ZFPM2: variants seen among roughly 807,000 people sequenced by gnomAD.
The protein encoded by ZFPM2 is zinc finger protein, FOG family member 2, also known as zinc finger protein ZFPM2.
A neutral mutation model predicts 98.6 loss-of-function variants in ZFPM2; 20 were observed. That is an observed-to-expected ratio of 0.20 (90% CI 0.14 to 0.29). The LOEUF is 0.29. Ranked by LOEUF, ZFPM2 falls within the 10% of genes least tolerant of loss-of-function variation. The probability of loss-of-function intolerance (pLI) is 1.00; values close to 1 mark genes in which losing one functional copy is unlikely to be tolerated. For synonymous variants in ZFPM2, 518 were observed against 502.7 expected, an observed-to-expected ratio of 1.03 and a Z score of -0.41; for missense variants, 1,310 against 1,388.6, an observed-to-expected ratio of 0.94 and a Z score of 0.90.
chr8:105,756,850 C>T (rs550912849), intron 5 of ZFPM2, among the ~76,000 whole-genome samples: 10 of 152,108 alleles, frequency 6.6e-5, no homozygotes, highest in Admixed American at 3.3e-4. Context: ...GTGCTAAACC[C>T]GTGTGATCAA....
intron 4 of ZFPM2, among the ~76,000 whole-genome samples, chr8:105,562,258 C>T (rs989023151): frequency 3.3e-5 from 5 of 151,930 alleles, no homozygotes; most frequent in African/African-American, 1.2e-4. Context: ...TGCAGTGATC[C>T]AAGATCGTGC....
chr8:105,334,160 G>GTGTGTGTGT (rs59878841), intron 1 of ZFPM2, among the ~76,000 whole-genome samples: 6 of 140,256 alleles, frequency 4.3e-5, no homozygotes, highest in African/African-American at 1.4e-4. Context: ...GTGTGTGTGT[G>GTGTGTGTGT]GTGGGGGGAG....
chr8:105,393,381 T>TCTTTCTTTCTTTCTTTTCTTTC (rs1554600714), intron 1 of ZFPM2, among the ~76,000 whole-genome samples: 7 of 130,678 alleles, frequency 5.4e-5, no homozygotes, highest in African/African-American at 2.0e-4. Context: ...TTTCTTTCTT[T>TCTTTCTTTCTTTCTTTTCTTTC]CTTTCTTTCT....
In ZFPM2 at chr8:105,694,152, AT is replaced by A. The variant is rs565848991; in HGVS notation, c.532+59802del. 5.3e-5 allele frequency among the ~76,000 whole-genome samples: 8 copies of A among 150,970 alleles called. No homozygotes were observed. The East Asian group carries it at 5.9e-4, about 11-fold the overall frequency. On this transcript the variant is annotated intron_variant, in intron 5 of 7. Coordinates refer to ENST00000407775, the MANE Select transcript of ZFPM2 (RefSeq NM_012082.4). ...CAGGCGCCTGTCACTACGCCGGCTAATTTTTTTGTATTTTTAGTAGAGACGG... is the reference window on the plus strand; with the variant it reads ...CAGGCGCCTGTCACTACGCCGGCTAATTTTTTGTATTTTTAGTAGAGACGG...
chr8:105,359,900 C>T (rs926867808), intron 1 of ZFPM2, among the ~76,000 whole-genome samples: 2 of 152,092 alleles, frequency 1.3e-5, no homozygotes, highest in African/African-American at 4.8e-5. Flanking sequence ...AAAATATAAA[C>T]CAAAAGAGCT....
At chr8:105,673,187 C>CTTTTTTTTTTTTTTTTTTT (rs5893754) in intron 5 of ZFPM2, among the ~76,000 whole-genome samples, 15 of 87,526 alleles carry the variant, frequency 1.7e-4, no homozygotes, top group African/African-American at 7.3e-4. Context: ...AAATAGCATG[C>CTTTTTTTTTTTTTTTTTTT]TTTTTTTTTT....
At chr8:105,424,013 G>T (rs1388591086) in intron 2 of ZFPM2, among the ~76,000 whole-genome samples, 2 of 152,152 alleles carry the variant, frequency 1.3e-5, no homozygotes, top group Non-Finnish European at 2.9e-5. Flanking sequence ...CAGGTGAGGG[G>T]GGTGAGGGAT....
intron 5 of ZFPM2, among the ~76,000 whole-genome samples, chr8:105,741,214 G>A (rs1238618976): frequency 3.3e-5 from 5 of 152,054 alleles, no homozygotes. Flanking sequence ...TGATATTCAA[G>A]TAAGACAAGG....
At chr8:105,786,668 GATT>G (rs1248866048) in intron 5 of ZFPM2, among the ~76,000 whole-genome samples, 2 of 152,108 alleles carry the variant, frequency 1.3e-5, no homozygotes, top group Non-Finnish European at 2.9e-5. Context: ...GCACACAAAT[GATT>G]TTTTGTTCAC....
chr8:105,422,127 A>G (rs1182420249), intron 2 of ZFPM2, among the ~76,000 whole-genome samples: 1 of 151,138 alleles, frequency 6.6e-6, no homozygotes, highest in African/African-American at 2.4e-5. Flanking sequence ...AGCAAATAAG[A>G]CATGTTCCTC....
At position 105,606,280 on chromosome 8, in the gene ZFPM2, G is replaced by A. The variant is rs373477162; in HGVS notation, c.421-27966G>A. Among the ~76,000 whole-genome samples, 43 of 151,912 alleles carry A rather than the reference G, an allele frequency of 2.8e-4. 1 individual carries two copies. Among genetic ancestry groups the A allele is most frequent in the East Asian group, 9.6e-4 (5 of 5,182 alleles). On this transcript the variant is annotated intron_variant, in intron 4 of 7. Transcript: ENST00000407775. The stretch of plus-strand genomic sequence containing the variant: ...GACACTTTTTTATATTGATTTTCAG[G>A]TAACACTTTTTTTCTAGTGTTGATT...
At chr8:105,728,679 A>G (rs1210754935) in intron 5 of ZFPM2, among the ~76,000 whole-genome samples, 4 of 151,806 alleles carry the variant, frequency 2.6e-5, no homozygotes, top group Non-Finnish European at 5.9e-5. Flanking sequence ...CGTGCAAAGA[A>G]TATCTCAAAG....
At chr8:105,641,034 A>G (rs1434009074) in intron 5 of ZFPM2, among the ~76,000 whole-genome samples, 1 of 152,016 alleles carries the variant, frequency 6.6e-6, no homozygotes, top group African/African-American at 2.4e-5. Context: ...GAATTCCAAT[A>G]TTGCTTTTTA....
chr8:105,538,563 C>A (rs1814508738), intron 3 of ZFPM2, among the ~76,000 whole-genome samples: 1 of 151,982 alleles, frequency 6.6e-6, no homozygotes, highest in African/African-American at 2.4e-5. Flanking sequence ...CCATAAAGGC[C>A]AGGAGATACT....
chr8:105,795,253 T>C (rs1487692018), intron 6 of ZFPM2, among the ~76,000 whole-genome samples: 49 of 142,454 alleles, frequency 3.4e-4, no homozygotes, highest in African/African-American at 7.7e-4. Context: ...TCTTTGTGTG[T>C]GTGTGTGTGT....
intron 2 of ZFPM2, among the ~76,000 whole-genome samples, chr8:105,426,830 G>A (rs371346009): frequency 5.9e-5 from 9 of 151,954 alleles, no homozygotes; most frequent in African/African-American, 1.4e-4. Context: ...AGTGGTACAC[G>A]CCTGTAGTCC....
chr8:105,699,711 G>A (rs1403879823), intron 5 of ZFPM2, among the ~76,000 whole-genome samples: 1 of 151,926 alleles, frequency 6.6e-6, no homozygotes, highest in Non-Finnish European at 1.5e-5. Context: ...TTTATTTTGT[G>A]CATGGTTGCA....
intron 3 of ZFPM2, among the ~76,000 whole-genome samples, chr8:105,466,099 G>C (rs1326832968): frequency 1.3e-5 from 2 of 152,024 alleles, no homozygotes; most frequent in East Asian, 3.9e-4. Context: ...GTTTAACTTC[G>C]TGGCTTTTCT....
At chr8:105,774,064 T>A (rs1449053134) in intron 5 of ZFPM2, among the ~76,000 whole-genome samples, 1 of 152,176 alleles carries the variant, frequency 6.6e-6, no homozygotes, top group African/African-American at 2.4e-5. Flanking sequence ...TCCTAATATG[T>A]CTCTGAAATT....
Sources: gnomAD v4.1 joint callset for allele counts (sites outside exome capture counted in the v4.1 genomes callset) on GRCh38, gnomAD v4.1.1 for gene constraint, MANE v1.5 for transcripts, NCBI Gene and HGNC (gene_info 2026-07-23, HGNC 2026-07-21) for gene names.